Variants in TMEM68 observed in about 807,000 individuals in gnomAD.
TMEM68 encodes the protein transmembrane protein 68.
Under a neutral mutation model 36.9 loss-of-function variants are expected in TMEM68, and 25 were observed. The observed-to-expected ratio is 0.68, with a 90% CI of 0.49 to 0.95. The LOEUF (loss-of-function observed/expected upper bound fraction) is 0.95, where lower values mean the gene tolerates loss of function less well. Ranked by LOEUF, TMEM68 falls within the 40% of genes least tolerant of loss-of-function variation. The probability of loss-of-function intolerance (pLI) is 0.00; values close to 1 mark genes in which losing one functional copy is unlikely to be tolerated. For synonymous variants in TMEM68, 131 were observed against 124.4 expected, an observed-to-expected ratio of 1.05 and a Z score of -0.35; for missense variants, 333 against 392.0, an observed-to-expected ratio of 0.85 and a Z score of 1.27.
At chr8:55,761,396 T>C (rs1378623594) in intron 3 of TMEM68, 1 of 152,218 alleles carries the variant, frequency 6.6e-6, no homozygotes, top group Non-Finnish European at 1.5e-5. Context: ...TGTCTAGCAG[T>C]AGAAATCTTA....
In TMEM68 at chr8:55,763,940, A is replaced by G. The variant is rs1810884537; in HGVS notation, c.-74T>C. ...TAAAACAGTCATTGGACTTACCAGA[A>G]GTTAGATAAATATCTTGTCCCAAAC... On this transcript the variant is annotated 5_prime_UTR_variant, in exon 2 of 8. Transcript: ENST00000434581. The G allele has an allele frequency of 1.3e-5, 2 of 152,268 alleles. No individual in the cohort carries two copies. The highest frequency in any genetic ancestry group is 4.1e-4 in the South Asian group (2 of 4,836). The allele number at this position is 152,268 out of a possible 1,614,324, so 9.4% of individuals were successfully genotyped here.
chr8:55,750,541 C>CTTTTTT (rs10674110), intron 5 of TMEM68, among the ~76,000 whole-genome samples: 1 of 137,566 alleles, frequency 7.3e-6, no homozygotes, highest in Non-Finnish European at 1.5e-5. Flanking sequence ...ATTCTCCAGT[C>CTTTTTT]TTTTTTTTTT....
At chr8:55,759,928 C>A (rs1446842104) in intron 3 of TMEM68, among the ~76,000 whole-genome samples, 1 of 152,240 alleles carries the variant, frequency 6.6e-6, no homozygotes, top group East Asian at 1.9e-4. Flanking sequence ...TCCTTCCACA[C>A]TGCAAGCCCT....
chr8:55,746,678 CT>C (rs1563427644), intron 5 of TMEM68: 2 of 152,066 alleles, frequency 1.3e-5, no homozygotes, highest in South Asian at 2.1e-4. Flanking sequence ...TTTAAATAAG[CT>C]TAAAAGTTAT....
intron 4 of TMEM68, chr8:55,751,690 CATT>C (rs1432398933): frequency 1.3e-5 from 3 of 235,456 alleles, no homozygotes; most frequent in Admixed American, 5.9e-5. Context: ...TAGCAAACAT[CATT>C]AAGAGATTTT....
chr8:55,746,317 C>CAAAAAAAAAAAAAAA (rs376241142), intron 5 of TMEM68: 5 of 57,196 alleles, frequency 8.7e-5, no homozygotes, highest in African/African-American at 3.8e-4. Flanking sequence ...CACTGTCTCC[C>CAAAAAAAAAAAAAAA]AAAAAAAAAA....
intron 3 of TMEM68, chr8:55,761,140 G>A (rs183487159): frequency 6.6e-6 from 1 of 152,208 alleles, no homozygotes; most frequent in Non-Finnish European, 1.5e-5. Context: ...TTAAAACCTA[G>A]GGCTATTTAA....
intron 4 of TMEM68, among the ~76,000 whole-genome samples, chr8:55,753,047 C>T (rs1810466548): frequency 6.6e-6 from 1 of 151,904 alleles, no homozygotes. Context: ...CTCTCTTGTG[C>T]TGAGAATTAT....
intron 1 of TMEM68, among the ~76,000 whole-genome samples, chr8:55,765,407 C>A (rs1315337394): frequency 6.6e-6 from 1 of 152,200 alleles, no homozygotes. Flanking sequence ...ACTGACAACA[C>A]CATGTACGGT....
intron 4 of TMEM68, among the ~76,000 whole-genome samples, chr8:55,753,586 A>G (rs1810483223): frequency 6.6e-6 from 1 of 152,216 alleles, no homozygotes; most frequent in Non-Finnish European, 1.5e-5. Context: ...TAGGCACTGA[A>G]GTAGATCATT....
intron 5 of TMEM68, 122 bp downstream of exon 5, chr8:55,750,842 T>A: frequency 1.1e-6 from 1 of 938,204 alleles, no homozygotes; most frequent in Non-Finnish European, 1.6e-6. Context: ...TCGGCCTACA[T>A]ACTAATTTTT....
intron 1 of TMEM68, among the ~76,000 whole-genome samples, chr8:55,772,727 G>A (rs1811221235): frequency 6.6e-6 from 1 of 152,190 alleles, no homozygotes. Flanking sequence ...GCTCAGAAAG[G>A]TGAAGTTGCC....
Position 55,751,220 on chromosome 8 carries a change from A to C in TMEM68, c.494-63T>G, listed in dbSNP as rs1271022700. ...TTTCTTGTTTAATTCTTCAAAAGAAAAATCTTCACAAACTACATAGTGTAC... is the reference window on the plus strand; with the variant it reads ...TTTCTTGTTTAATTCTTCAAAAGAACAATCTTCACAAACTACATAGTGTAC... On this transcript the variant is annotated intron_variant, in intron 4 of 7. Coordinates refer to ENST00000434581, the MANE Select transcript of TMEM68 (RefSeq NM_001286657.2). 3 of 1,412,470 alleles carry C rather than the reference A, an allele frequency of 2.1e-6. No individual in the cohort carries two copies. In the East Asian group the frequency reaches 6.9e-5, roughly 33 times the overall value. 87.5% of individuals were successfully genotyped at this position (1,412,470 alleles called of 1,614,324 possible). A position where few individuals can be genotyped will look rare whatever the true frequency, so the allele number is the denominator to read the frequency against.
chr8:55,743,719 CA>C, intron 6 of TMEM68, 99 bp from the exon 7 acceptor site: 1 of 1,075,110 alleles, frequency 9.3e-7, no homozygotes, highest in South Asian at 1.9e-5. Flanking sequence ...AGGAAGGTGG[CA>C]AAAAGTATCA....
At chr8:55,743,726 T>C (rs1247863930) in intron 6 of TMEM68, 106 bp from the exon 7 acceptor site, 3 of 1,031,212 alleles carry the variant, frequency 2.9e-6, no homozygotes, top group African/African-American at 1.6e-5. Flanking sequence ...TGGCAAAAAG[T>C]ATCACTTCTT....
intron 5 of TMEM68, among the ~76,000 whole-genome samples, chr8:55,749,445 C>T (rs1167159779): frequency 6.6e-6 from 1 of 152,172 alleles, no homozygotes; most frequent in Admixed American, 6.5e-5. Flanking sequence ...AGAGGGGATA[C>T]TTGTGCCACT....
At chr8:55,756,166 G>C (rs1251839247) in intron 4 of TMEM68, 78 bp downstream of exon 4, 2 of 1,318,130 alleles carry the variant, frequency 1.5e-6, no homozygotes, top group Non-Finnish European at 2.1e-6. Flanking sequence ...ACGTTAGAGA[G>C]CTCAGGATAG....
intron 3 of TMEM68, among the ~76,000 whole-genome samples, chr8:55,758,850 A>T (rs1157122467): frequency 2.0e-5 from 3 of 152,176 alleles, no homozygotes; most frequent in African/African-American, 7.2e-5. Context: ...CTAGTGGAAA[A>T]GGTGGATACA....
intron 4 of TMEM68, among the ~76,000 whole-genome samples, chr8:55,752,564 G>C (rs1810452573): frequency 6.6e-6 from 1 of 151,882 alleles, no homozygotes; most frequent in Non-Finnish European, 1.5e-5. Context: ...CTCCAACCTG[G>C]GCAACAGAGC....
Sources: gnomAD v4.1 joint callset for allele counts (sites outside exome capture counted in the v4.1 genomes callset) on GRCh38, gnomAD v4.1.1 for gene constraint, MANE v1.5 for transcripts, NCBI Gene and HGNC (gene_info 2026-07-23, HGNC 2026-07-21) for gene names.